ASH1L: variants seen among roughly 807,000 people sequenced by gnomAD.
ASH1L encodes ASH1 like histone lysine methyltransferase.
ASH1L carries 23 observed loss-of-function variants against 269.0 expected under a neutral mutation model. The observed-to-expected ratio is 0.09, with a 90% CI of 0.06 to 0.12. The LOEUF is 0.12. Ranked by LOEUF, ASH1L falls within the 10% of genes least tolerant of loss-of-function variation. ASH1L has a pLI of 1.00. For synonymous variants in ASH1L, 1,187 were observed against 1,253.5 expected, an observed-to-expected ratio of 0.95 and a Z score of 1.12; for missense variants, 2,912 against 3,567.8, an observed-to-expected ratio of 0.82 and a Z score of 4.68.
At chr1:155,463,091 T>C (rs942793220) in intron 3 of ASH1L, among the ~76,000 whole-genome samples, 17 of 152,360 alleles carry the variant, frequency 1.1e-4, no homozygotes, top group South Asian at 2.1e-4. Flanking sequence ...ATCTGTAACA[T>C]TGCCAGAAAT....
Position 155,367,610 on chromosome 1 carries a change from G to T in ASH1L, c.6686+2894C>A, listed in dbSNP as rs573193511. ...TTTTAAAAATGGATTTCCTTTGGCA[G>T]ATTTGTTAGTTCCTTTTTATTCCTA... On this transcript the variant is annotated intron_variant, in intron 12 of 27. Transcript: ENST00000392403. Among the ~76,000 whole-genome samples the T allele has an allele frequency of 2.0e-5, 3 of 152,230 alleles. No homozygotes were observed. The South Asian group carries it at 6.2e-4, about 32-fold the overall frequency.
intron 1 of ASH1L, among the ~76,000 whole-genome samples, chr1:155,538,130 G>A (rs889781003): frequency 2.6e-5 from 4 of 151,334 alleles, no homozygotes; most frequent in Non-Finnish European, 5.9e-5. Context: ...GTTCAAGTGA[G>A]TCTCCTGTCT....
At chr1:155,459,936 T>G (rs1335386757) in intron 3 of ASH1L, 38 bp from the exon 4 acceptor site, 5 of 1,476,470 alleles carry the variant, frequency 3.4e-6, no homozygotes, top group Non-Finnish European at 4.6e-6. Flanking sequence ...ATAGGAAAAT[T>G]CAACTTTAAA....
chr1:155,351,685 C>T (rs1166007136), intron 17 of ASH1L, among the ~76,000 whole-genome samples: 1 of 151,860 alleles, frequency 6.6e-6, no homozygotes, highest in Admixed American at 6.6e-5. Context: ...ACTGTCTCTA[C>T]TAAAAAATAC....
At chr1:155,487,560 G>A (rs559901871) in intron 2 of ASH1L, among the ~76,000 whole-genome samples, 1 of 151,728 alleles carries the variant, frequency 6.6e-6, no homozygotes, top group African/African-American at 2.4e-5. Context: ...TTGTTTTTTG[G>A]TTTTTTTGTA....
At chr1:155,541,451 C>T (rs1670421570) in intron 1 of ASH1L, among the ~76,000 whole-genome samples, 1 of 151,996 alleles carries the variant, frequency 6.6e-6, no homozygotes. Flanking sequence ...AGATATTTTA[C>T]ATGAAACTAC....
intron 5 of ASH1L, among the ~76,000 whole-genome samples, chr1:155,421,693 T>C (rs570007029): frequency 6.6e-6 from 1 of 150,462 alleles, no homozygotes; most frequent in Non-Finnish European, 1.5e-5. Context: ...TAAAAAAAAA[T>C]TGGAGGATTT....
chr1:155,438,703 C>T lies in ASH1L; in HGVS notation c.5452G>A (p.Ala1818Thr). 6.2e-7 allele frequency: 1 copy of T among 1,613,944 alleles called. No individual in the cohort carries two copies. The highest frequency in any genetic ancestry group is 1.1e-5 in the South Asian group (1 of 91,064). ...RKMCNYDKILATKKNLDHVNK... is the reference protein window; with the variant it reads ...RKMCNYDKILTTKKNLDHVNK... ...ACATGGTCTAGGTTTTTCTTTGTGGCCAAGATTTTGTCGTAATTGCACATT... is the reference window on the plus strand; with the variant it reads ...ACATGGTCTAGGTTTTTCTTTGTGGTCAAGATTTTGTCGTAATTGCACATT... Residue 1818 changes from alanine to threonine, a missense_variant, in exon 5 of 28, where the codon GCC (alanine) becomes ACC (threonine). Physicochemically the swap from Ala to Thr is moderately conservative, Grantham distance 58 (BLOSUM62 0). Coordinates refer to ENST00000392403, the MANE Select transcript of ASH1L (RefSeq NM_018489.3).
intron 5 of ASH1L, chr1:155,433,216 GC>G (rs989449838): frequency 3.9e-6 from 6 of 1,548,224 alleles, no homozygotes; most frequent in South Asian, 1.2e-5. Context: ...CTGCCTTCTT[GC>G]CCCCTCCAGG....
intron 17 of ASH1L, among the ~76,000 whole-genome samples, chr1:155,352,220 T>C (rs534371968): frequency 6.9e-6 from 1 of 145,148 alleles, no homozygotes; most frequent in Non-Finnish European, 1.5e-5. Flanking sequence ...CCCAGAACTT[T>C]GGGAGGTCGA....
chr1:155,532,296 T>C (rs921760764), intron 1 of ASH1L, among the ~76,000 whole-genome samples: 3 of 152,198 alleles, frequency 2.0e-5, no homozygotes, highest in African/African-American at 4.8e-5. Flanking sequence ...AGAAAATTAC[T>C]AACCATATGT....
chr1:155,423,783 T>C (rs1660911099), intron 5 of ASH1L, among the ~76,000 whole-genome samples: 1 of 152,170 alleles, frequency 6.6e-6, no homozygotes, highest in Admixed American at 6.5e-5. Context: ...CAGGCTGCAA[T>C]GCAATGGCGT....
chr1:155,413,753 G>C (rs908351929), intron 6 of ASH1L, among the ~76,000 whole-genome samples: 6 of 152,066 alleles, frequency 3.9e-5, no homozygotes, highest in African/African-American at 1.4e-4. Context: ...TTAGTGCTGA[G>C]ATAGAAGGGA....
intron 3 of ASH1L, among the ~76,000 whole-genome samples, chr1:155,460,872 A>G (rs996720187): frequency 6.6e-6 from 1 of 152,238 alleles, no homozygotes; most frequent in Non-Finnish European, 1.5e-5. Flanking sequence ...TCTATAGAGC[A>G]TATTACATCT....
intron 13 of ASH1L, 101 bp downstream of exon 13, chr1:155,360,200 T>C (rs758106274): frequency 2.0e-5 from 16 of 818,670 alleles, no homozygotes; most frequent in African/African-American, 5.1e-5. Context: ...TCCCACATAC[T>C]TCTTAATGGC....
chr1:155,385,271 C>T (rs187531621), intron 7 of ASH1L, among the ~76,000 whole-genome samples: 1 of 152,120 alleles, frequency 6.6e-6, no homozygotes, highest in Non-Finnish European at 1.5e-5. Flanking sequence ...GGTAAAACCC[C>T]GTCTTTACTA....
chr1:155,513,152 G>A (rs534687578), intron 2 of ASH1L, among the ~76,000 whole-genome samples: 1 of 152,004 alleles, frequency 6.6e-6, no homozygotes, highest in African/African-American at 2.4e-5. Flanking sequence ...TAAAAATACA[G>A]AATAACTGTT....
rs776962103 is a variant in ASH1L at position 155,478,269 on chromosome 1, T to G, written c.4601A>C (p.His1534Pro). ...VGERYKHKEKHRCHMSCPHLS... is the reference protein window; with the variant it reads ...VGERYKHKEKPRCHMSCPHLS... Reference sequence around the variant, plus strand: ...ATGAGGGCAGGACATGTGACAACGGTGCTTTTCCTTATGCTTATATCGCTC... The same window carrying G: ...ATGAGGGCAGGACATGTGACAACGGGGCTTTTCCTTATGCTTATATCGCTC... Residue 1534 changes from histidine (H) to proline (P), a missense_variant, in exon 3 of 28, where the codon CAC becomes CCC. By Grantham distance (77) the His-to-Pro change is moderately conservative. Coordinates refer to ENST00000392403, the MANE Select transcript of ASH1L (RefSeq NM_018489.3). This position sits in a 1 kb window ranked among gnomAD's most constrained non-coding sequence, Gnocchi z 4.6. 13 of 1,614,140 alleles carry G rather than the reference T, an allele frequency of 8.1e-6. No homozygotes were observed. The South Asian group carries it at 1.4e-4, about 18-fold the overall frequency.
In ASH1L at chr1:155,480,457, C is replaced by T; in HGVS notation, c.2413G>A (p.Ala805Thr). ...DSEKPSHKSF[A>T]THKLSSSMCV... ...ATACTGGAGGATAGTTTGTGAGTAG[C>T]AAAAGACTTATGAGATGGTTTTTCA... Residue 805 changes from alanine (A) to threonine (T), a missense_variant, in exon 3 of 28, where the codon GCT becomes ACT. Physicochemically the swap from Ala to Thr is moderately conservative, Grantham distance 58. Around this residue, in one of 13 missense-constraint regions of ASH1L, gnomAD observed 715 missense variants for 721.0 expected, o/e 0.99. Coordinates refer to ENST00000392403, the MANE Select transcript of ASH1L (RefSeq NM_018489.3). 1.2e-6 allele frequency: 2 copies of T among 1,614,016 alleles called. No individual in the cohort carries two copies. The highest frequency in any genetic ancestry group is 2.2e-5 in the South Asian group (2 of 91,072).
Sources: allele counts gnomAD v4.1 joint callset (sites outside exome capture counted in the v4.1 genomes callset), GRCh38; gene constraint gnomAD v4.1.1; regional missense constraint gnomAD v4.1.1; non-coding constraint Gnocchi (gnomAD v3.1); transcripts MANE v1.5; gene names NCBI Gene and HGNC (gene_info 2026-07-23, HGNC 2026-07-21).